Variants in WWC2 observed in about 807,000 individuals in gnomAD.
WWC2 encodes the protein WW and C2 domain containing 2.
A neutral mutation model predicts 138.5 loss-of-function variants in WWC2; 101 were observed. The ratio of observed to expected loss-of-function variants is 0.73; its 90% CI spans 0.62 to 0.86. WWC2 has a LOEUF of 0.86. Ranked by LOEUF, WWC2 falls within the 40% of genes least tolerant of loss-of-function variation. WWC2 has a pLI of 0.00. For missense variants in WWC2, 1,420 were observed against 1,419.4 expected (o/e 1.00, Z -0.01); for synonymous variants, 558 against 538.4 (o/e 1.04, Z -0.50).
rs1337238438 is a variant in WWC2, at chr4:183,253,858, A to G, written c.1055A>G (p.Glu352Gly). 6.2e-7 allele frequency: 1 copy of G among 1,613,712 alleles called. No homozygotes were observed. Among genetic ancestry groups the G allele is most frequent in the Non-Finnish European group, 8.5e-7 (1 of 1,179,828 alleles). ...KEKLMLINEK[E>G]ELLKELQFVT... ...AAACTGATGCTGATTAATGAAAAAG[A>G]AGAACTTTTGAAAGAGCTTCAGTTC... The change falls in exon 9 of 23, where the codon GAA becomes GGA. Residue 352 changes from glutamate (E) to glycine (G), a missense_variant. Transcript: ENST00000403733.
chr4:183,178,976 G>T (rs1186749389), intron 1 of WWC2, among the ~76,000 whole-genome samples: 3 of 152,128 alleles, frequency 2.0e-5, no homozygotes, highest in Non-Finnish European at 4.4e-5. Flanking sequence ...AATTAAAATG[G>T]CTATCAGTAC....
intron 1 of WWC2, among the ~76,000 whole-genome samples, chr4:183,144,762 T>C (rs1048904688): frequency 6.6e-6 from 1 of 152,226 alleles, no homozygotes; most frequent in African/African-American, 2.4e-5. Flanking sequence ...TGTTTAATGA[T>C]GTTTATCATA....
chr4:183,179,146 C>T (rs966703982), intron 1 of WWC2, among the ~76,000 whole-genome samples: 5 of 152,054 alleles, frequency 3.3e-5, no homozygotes, highest in African/African-American at 7.2e-5. Context: ...AACTTCAGAA[C>T]GATGTGCACA....
intron 15 of WWC2, among the ~76,000 whole-genome samples, chr4:183,270,384 A>C (rs970243043): frequency 2.6e-5 from 4 of 152,182 alleles, no homozygotes; most frequent in African/African-American, 9.7e-5. Context: ...TTGATGTCTT[A>C]TTCAAGAACC....
chr4:183,229,696 C>T (rs1736184652), intron 4 of WWC2, among the ~76,000 whole-genome samples: 1 of 152,040 alleles, frequency 6.6e-6, no homozygotes, highest in Admixed American at 6.6e-5. Flanking sequence ...TAGGAGTACA[C>T]TTTATAAAAC....
At chr4:183,248,039 C>T (rs1279231056) in intron 6 of WWC2, among the ~76,000 whole-genome samples, 2 of 151,818 alleles carry the variant, frequency 1.3e-5, no homozygotes, top group Admixed American at 1.3e-4. Flanking sequence ...TGTTCATATC[C>T]TCCCTCTAAA....
chr4:183,276,552 T>G (rs1737861686), intron 16 of WWC2, among the ~76,000 whole-genome samples: 1 of 152,182 alleles, frequency 6.6e-6, no homozygotes, highest in South Asian at 2.1e-4. Context: ...GCAAAGATTT[T>G]CAAAGACTTT....
chr4:183,314,777 C>T (rs1005757591), intron 22 of WWC2, among the ~76,000 whole-genome samples: 1 of 152,180 alleles, frequency 6.6e-6, no homozygotes, highest in Admixed American at 6.5e-5. Context: ...TTCTTGTTTT[C>T]CTCTTATGAA....
chr4:183,116,240 T>C (rs920087135), intron 1 of WWC2, among the ~76,000 whole-genome samples: 1 of 152,172 alleles, frequency 6.6e-6, no homozygotes, highest in African/African-American at 2.4e-5. Context: ...TCTTATACTT[T>C]TCACCACTGT....
chr4:183,151,975 A>G (rs538470068), intron 1 of WWC2, among the ~76,000 whole-genome samples: 4 of 152,342 alleles, frequency 2.6e-5, no homozygotes, highest in East Asian at 3.9e-4. Context: ...AACACTTTAT[A>G]TAAGCCTCCA....
chr4:183,164,326 TATATATATATAC>T (rs1332278350), intron 1 of WWC2, among the ~76,000 whole-genome samples: 15 of 554 alleles, frequency 0.027, no homozygotes, highest in African/African-American at 0.073. Context: ...TATACATATA[TATATATATATAC>T]ATATATATAT....
At chr4:183,260,190 T>C (rs1580120047) in intron 10 of WWC2, among the ~76,000 whole-genome samples, 1 of 152,226 alleles carries the variant, frequency 6.6e-6, no homozygotes, top group South Asian at 2.1e-4. Context: ...AGCTTTTTTT[T>C]TAATAAAAAA....
At chr4:183,130,480 G>A (rs552812790) in intron 1 of WWC2, among the ~76,000 whole-genome samples, 290 of 152,336 alleles carry the variant, frequency 1.9e-3, no homozygotes, top group Non-Finnish European at 3.4e-3. Context: ...TGTTCAGTTT[G>A]TACTGTGAGT....
intron 2 of WWC2, among the ~76,000 whole-genome samples, chr4:183,205,937 C>T (rs1283750206): frequency 2.6e-5 from 4 of 152,168 alleles, no homozygotes; most frequent in East Asian, 1.9e-4. Context: ...TCACAGACTT[C>T]TTGTGACCCC....
chr4:183,301,274 GTAAC>G (rs1258781938), intron 21 of WWC2, among the ~76,000 whole-genome samples: 1 of 152,114 alleles, frequency 6.6e-6, no homozygotes, highest in Non-Finnish European at 1.5e-5. Context: ...ACTTCACAAA[GTAAC>G]TAAAATATCA....
At chr4:183,268,439 G>A (rs879161937) in intron 14 of WWC2, among the ~76,000 whole-genome samples, 16 of 152,114 alleles carry the variant, frequency 1.1e-4, no homozygotes, top group Middle Eastern at 3.2e-3. Context: ...TTTTTGAACC[G>A]TTGTTTCATC....
chr4:183,206,295 T>A (rs1434176247), intron 2 of WWC2, among the ~76,000 whole-genome samples: 24 of 152,130 alleles, frequency 1.6e-4, no homozygotes, highest in Admixed American at 1.4e-3. Context: ...TTTTTAAAAA[T>A]CTCTATTAAC....
In WWC2 at chr4:183,118,094, G is replaced by A. The variant is rs376909087; in HGVS notation, c.131+18472G>A. Among the ~76,000 whole-genome samples the A allele has an allele frequency of 3.3e-4, 50 of 152,306 alleles. 1 individual carries two copies. In the East Asian group the frequency reaches 6.6e-3, roughly 20 times the overall value. On this transcript the variant is annotated intron_variant, in intron 1 of 22. Transcript: ENST00000403733. ...ATTACAGGAGTGAGCCACTGCGCCT[G>A]GCCGGTTATGGATATTTTTTTTACC...
At chr4:183,310,997 A>G (rs1194654445) in intron 21 of WWC2, among the ~76,000 whole-genome samples, 1 of 152,178 alleles carries the variant, frequency 6.6e-6, no homozygotes, top group Non-Finnish European at 1.5e-5. Context: ...AGAAACTAAG[A>G]CACCAGAAGG....
Sources: allele counts gnomAD v4.1 joint callset (sites outside exome capture counted in the v4.1 genomes callset), GRCh38; gene constraint gnomAD v4.1.1; transcripts MANE v1.5; gene names NCBI Gene and HGNC (gene_info 2026-07-23, HGNC 2026-07-21).